AK5: variants seen among roughly 807,000 people sequenced by gnomAD.
AK5 encodes the protein adenylate kinase isoenzyme 5.
AK5 carries 27 observed loss-of-function variants against 69.5 expected under a neutral mutation model. The observed-to-expected ratio is 0.39, with a 90% CI of 0.29 to 0.54. The LOEUF (loss-of-function observed/expected upper bound fraction) is 0.54. AK5 is among the 20% of genes least tolerant of loss of function. AK5 has a pLI of 0.71. For missense variants in AK5, 531 were observed against 700.4 expected (o/e 0.76, Z 2.73); for synonymous variants, 260 against 244.4 (o/e 1.06, Z -0.60).
intron 6 of AK5, among the ~76,000 whole-genome samples, chr1:77,394,285 C>T (rs1313071893): frequency 6.6e-6 from 1 of 152,018 alleles, no homozygotes; most frequent in African/African-American, 2.4e-5. Context: ...GAATTCTTGT[C>T]AGATAAAGAG....
intron 10 of AK5, among the ~76,000 whole-genome samples, chr1:77,502,239 C>T (rs1366757661): frequency 6.6e-6 from 1 of 152,146 alleles, no homozygotes; most frequent in Non-Finnish European, 1.5e-5. Context: ...GACTCAGGTT[C>T]CCTATATTTT....
chr1:77,402,967 G>A (rs1649340592), intron 6 of AK5, among the ~76,000 whole-genome samples: 1 of 151,948 alleles, frequency 6.6e-6, no homozygotes, highest in Non-Finnish European at 1.5e-5. Flanking sequence ...GTTGTTTCCT[G>A]ACTTTTTAAT....
intron 5 of AK5, among the ~76,000 whole-genome samples, chr1:77,303,433 A>C (rs528975572): frequency 6.6e-6 from 1 of 152,264 alleles, no homozygotes; most frequent in Non-Finnish European, 1.5e-5. Flanking sequence ...ATTTTTAGAA[A>C]AGTAATCATA....
chr1:77,516,135 T>G (rs1018642093), intron 10 of AK5, among the ~76,000 whole-genome samples: 1 of 152,200 alleles, frequency 6.6e-6, no homozygotes, highest in Non-Finnish European at 1.5e-5. Context: ...AGAATATTAT[T>G]CAGCCATAAA....
chr1:77,497,228 G>A (rs796923022), intron 10 of AK5, among the ~76,000 whole-genome samples: 3 of 152,132 alleles, frequency 2.0e-5, no homozygotes, highest in East Asian at 1.9e-4. Context: ...GAAGGTCTGC[G>A]GCTTCACTCC....
intron 13 of AK5, among the ~76,000 whole-genome samples, chr1:77,554,667 G>A (rs1451987269): frequency 4.6e-5 from 7 of 151,984 alleles, no homozygotes; most frequent in African/African-American, 1.5e-4. Context: ...GTGCAGTGGC[G>A]CGATCTCAGC....
intron 5 of AK5, among the ~76,000 whole-genome samples, chr1:77,322,382 A>G (rs568327376): frequency 5.3e-5 from 8 of 152,156 alleles, no homozygotes; most frequent in East Asian, 3.9e-4. Flanking sequence ...CTCAAGCACA[A>G]ATTTTACCGG....
At chr1:77,358,024 A>T (rs199799331) in intron 6 of AK5, among the ~76,000 whole-genome samples, 967 of 43,910 alleles carry the variant, frequency 0.022, 6 homozygotes, top group African/African-American at 0.043. Context: ...TGTGTGAGAG[A>T]GAGAGAGAGA....
At chr1:77,496,873 C>T (rs1195003388) in intron 10 of AK5, among the ~76,000 whole-genome samples, 1 of 152,200 alleles carries the variant, frequency 6.6e-6, no homozygotes, top group South Asian at 2.1e-4. Flanking sequence ...CCAATCAGCA[C>T]TCTGTAAAAT....
chr1:77,402,341 A>G (rs1158026873), intron 6 of AK5, among the ~76,000 whole-genome samples: 1 of 152,002 alleles, frequency 6.6e-6, no homozygotes, highest in Non-Finnish European at 1.5e-5. Flanking sequence ...CATGTGCACA[A>G]CGTGCAGGTT....
At chr1:77,364,309 T>A (rs1379154835) in intron 6 of AK5, among the ~76,000 whole-genome samples, 1 of 152,210 alleles carries the variant, frequency 6.6e-6, no homozygotes. Flanking sequence ...ACATGTAAGG[T>A]GCAATGATCA....
At chr1:77,511,596 C>G (rs1482366813) in intron 10 of AK5, among the ~76,000 whole-genome samples, 1 of 152,104 alleles carries the variant, frequency 6.6e-6, no homozygotes, top group African/African-American at 2.4e-5. Flanking sequence ...CAACTTGATA[C>G]CAGGAGAAAG....
intron 8 of AK5, among the ~76,000 whole-genome samples, chr1:77,441,570 A>C (rs1045413242): frequency 6.6e-6 from 1 of 152,218 alleles, no homozygotes; most frequent in African/African-American, 2.4e-5. Flanking sequence ...GTTGAACATC[A>C]GTAATAACTG....
Position 77,442,248 on chromosome 1 carries a change from T to C in AK5, c.1059+24533T>C, listed in dbSNP as rs189764324. 3.9e-3 allele frequency among the ~76,000 whole-genome samples: 596 copies of C among 152,272 alleles called. 1 individual carries two copies. Among genetic ancestry groups the C allele is most frequent in the African/African-American group, 0.014 (583 of 41,536 alleles). The stretch of plus-strand genomic sequence containing the variant: ...TAGACTCAGGGATGAAAGACTGCCA[T>C]GGCTACTCGCACCCAGAGCAAGATA... On this transcript the variant is annotated intron_variant, in intron 8 of 13. Transcript: ENST00000354567.
intron 8 of AK5, among the ~76,000 whole-genome samples, chr1:77,476,202 A>G (rs1433241394): frequency 6.6e-6 from 1 of 152,164 alleles, no homozygotes; most frequent in Admixed American, 6.5e-5. Flanking sequence ...TGTGTAGTTC[A>G]GTGAATGAGA....
At chr1:77,461,706 G>T (rs554035016) in intron 8 of AK5, among the ~76,000 whole-genome samples, 2 of 151,620 alleles carry the variant, frequency 1.3e-5, no homozygotes, top group South Asian at 2.1e-4. Context: ...GGAGGTGGAG[G>T]TTGCAGTGAG....
At chr1:77,391,495 G>GTGTGTA (rs1425180466) in intron 6 of AK5, among the ~76,000 whole-genome samples, 10 of 63,452 alleles carry the variant, frequency 1.6e-4, no homozygotes, top group South Asian at 6.1e-4. Context: ...GTGTGTGTGT[G>GTGTGTA]TATATATATA....
chr1:77,432,706 G>A (rs1434933830), intron 8 of AK5, among the ~76,000 whole-genome samples: 1 of 152,118 alleles, frequency 6.6e-6, no homozygotes, highest in Non-Finnish European at 1.5e-5. Flanking sequence ...TTCCCCAGAG[G>A]AATTTACCCA....
At chr1:77,507,034 C>A (rs560304632) in intron 10 of AK5, among the ~76,000 whole-genome samples, 38 of 152,172 alleles carry the variant, frequency 2.5e-4, no homozygotes, top group African/African-American at 8.2e-4. Flanking sequence ...AATAATGGGG[C>A]CTGATAAGGT....
Sources: allele counts gnomAD v4.1 joint callset (sites outside exome capture counted in the v4.1 genomes callset), GRCh38; gene constraint gnomAD v4.1.1; transcripts MANE v1.5; gene names NCBI Gene and HGNC (gene_info 2026-07-23, HGNC 2026-07-21).